Variants in MPPED2 observed in about 807,000 individuals in gnomAD.
The protein encoded by MPPED2 is metallophosphoesterase MPPED2.
A neutral mutation model predicts 33.0 loss-of-function variants in MPPED2; 5 were observed. The observed-to-expected ratio is 0.15, with a 90% CI of 0.08 to 0.32. The LOEUF is 0.32. Ranked by LOEUF, MPPED2 falls within the 10% of genes least tolerant of loss-of-function variation. The pLI is 1.00. For synonymous variants in MPPED2, 136 were observed against 141.9 expected, an observed-to-expected ratio of 0.96 and a Z score of 0.29; for missense variants, 275 against 372.1, an observed-to-expected ratio of 0.74 and a Z score of 2.15.
intron 4 of MPPED2, among the ~76,000 whole-genome samples, chr11:30,480,599 A>C (rs914911626): frequency 6.6e-6 from 1 of 152,132 alleles, no homozygotes; most frequent in Non-Finnish European, 1.5e-5. Context: ...GACAAATTTA[A>C]TTTGGAGTTT....
chr11:30,488,206 T>C (rs780329070), intron 4 of MPPED2, among the ~76,000 whole-genome samples: 3 of 152,230 alleles, frequency 2.0e-5, no homozygotes, highest in African/African-American at 7.2e-5. Context: ...TTAATTATTA[T>C]TAGTAATACA....
chr11:30,538,102 G>A (rs1432465199), intron 2 of MPPED2, among the ~76,000 whole-genome samples: 6 of 152,084 alleles, frequency 3.9e-5, no homozygotes, highest in Admixed American at 2.6e-4. Flanking sequence ...GAATAGGACT[G>A]TTTGCATTTA....
downstream of MPPED2, among the ~76,000 whole-genome samples, chr11:30,405,969 G>A (rs1947982887): frequency 6.6e-6 from 1 of 152,090 alleles, no homozygotes; most frequent in African/African-American, 2.4e-5. Flanking sequence ...AAAGTTGGGG[G>A]CTCTTACCAA....
At chr11:30,507,881 A>G (rs1275783339) in intron 3 of MPPED2, among the ~76,000 whole-genome samples, 1 of 152,202 alleles carries the variant, frequency 6.6e-6, no homozygotes, top group Non-Finnish European at 1.5e-5. Flanking sequence ...ATAATTCCTC[A>G]GGAAGAAAGG....
At chr11:30,475,684 T>C (rs1356545672) in intron 4 of MPPED2, among the ~76,000 whole-genome samples, 1 of 152,188 alleles carries the variant, frequency 6.6e-6, no homozygotes, top group Non-Finnish European at 1.5e-5. Context: ...TTTCCTGGTG[T>C]TGGTTATTGT....
chr11:30,583,782 A>C (rs1377969660), intron 1 of MPPED2, among the ~76,000 whole-genome samples: 3 of 152,214 alleles, frequency 2.0e-5, no homozygotes, highest in Non-Finnish European at 4.4e-5. Context: ...ACTGCCCAGC[A>C]CAGCCTATGA....
chr11:30,542,479 A>T (rs1022695343), intron 2 of MPPED2, among the ~76,000 whole-genome samples: 1 of 141,676 alleles, frequency 7.1e-6, no homozygotes, highest in Admixed American at 7.0e-5. Flanking sequence ...AAAAAAAAAA[A>T]AAAAGCCAGG....
chr11:30,394,197 AG>A (rs1947813015), intron 6 of MPPED2, among the ~76,000 whole-genome samples: 1 of 152,064 alleles, frequency 6.6e-6, no homozygotes, highest in Non-Finnish European at 1.5e-5. Flanking sequence ...GGATTGTTTC[AG>A]TTTTTGGTGA....
intron 6 of MPPED2, among the ~76,000 whole-genome samples, chr11:30,402,493 C>T (rs565453101): frequency 2.6e-5 from 4 of 152,280 alleles, no homozygotes; most frequent in African/African-American, 9.6e-5. Context: ...GCAGACCTCA[C>T]ATTAATAAAA....
At chr11:30,556,189 A>G (rs1955955573) in intron 2 of MPPED2, among the ~76,000 whole-genome samples, 2 of 152,200 alleles carry the variant, frequency 1.3e-5, no homozygotes, top group South Asian at 4.1e-4. Context: ...CTAAAAGCTT[A>G]GAATGCTTGA....
intron 3 of MPPED2, among the ~76,000 whole-genome samples, chr11:30,514,957 T>C (rs1397964762): frequency 2.0e-5 from 3 of 152,122 alleles, no homozygotes; most frequent in African/African-American, 7.2e-5. Flanking sequence ...TAGCTAGGCA[T>C]GGTGGCACAC....
At chr11:30,572,741 T>G (rs1369126686) in intron 2 of MPPED2, among the ~76,000 whole-genome samples, 2 of 152,198 alleles carry the variant, frequency 1.3e-5, no homozygotes, top group Non-Finnish European at 2.9e-5. Context: ...TCCACTGATA[T>G]GACTTTTCCT....
At chr11:30,542,205 T>C (rs1438637474) in intron 2 of MPPED2, among the ~76,000 whole-genome samples, 2 of 152,198 alleles carry the variant, frequency 1.3e-5, no homozygotes, top group African/African-American at 4.8e-5. Context: ...TAATTTTTGT[T>C]AGATGCTTAA....
intron 3 of MPPED2, among the ~76,000 whole-genome samples, chr11:30,503,713 C>T (rs1952675099): frequency 6.6e-6 from 1 of 152,086 alleles, no homozygotes; most frequent in Non-Finnish European, 1.5e-5. Context: ...ACTGCCAATC[C>T]CTATGCCCTC....
At chr11:30,512,045 T>C (rs1402593396) in intron 3 of MPPED2, among the ~76,000 whole-genome samples, 2 of 152,182 alleles carry the variant, frequency 1.3e-5, no homozygotes, top group Non-Finnish European at 2.9e-5. Flanking sequence ...CTCATTATTA[T>C]AGGGAATTGG....
chr11:30,531,143 G>A (rs1954500077), intron 3 of MPPED2, among the ~76,000 whole-genome samples: 1 of 152,218 alleles, frequency 6.6e-6, no homozygotes, highest in Admixed American at 6.5e-5. Context: ...TAGCTAAAAT[G>A]TTAATGAGAC....
At chr11:30,404,011 A>G (rs1173606681) in intron 6 of MPPED2, among the ~76,000 whole-genome samples, 1 of 152,206 alleles carries the variant, frequency 6.6e-6, no homozygotes, top group Non-Finnish European at 1.5e-5. Flanking sequence ...TCATAGCCAA[A>G]GGCCAAAGCC....
intron 4 of MPPED2, among the ~76,000 whole-genome samples, chr11:30,460,338 G>C (rs1950470517): frequency 1.3e-5 from 2 of 152,306 alleles, no homozygotes; most frequent in South Asian, 4.1e-4. Context: ...ACAAGAATCA[G>C]GCTGGGCGTG....
At chr11:30,478,860 T>C (rs1018000080) in intron 4 of MPPED2, among the ~76,000 whole-genome samples, 1 of 152,130 alleles carries the variant, frequency 6.6e-6, no homozygotes, top group African/African-American at 2.4e-5. Flanking sequence ...AAACCATGCC[T>C]GTGTGTAGTG....
Sources: allele counts gnomAD v4.1 joint callset (sites outside exome capture counted in the v4.1 genomes callset), GRCh38; gene constraint gnomAD v4.1.1; transcripts MANE v1.5; gene names NCBI Gene and HGNC (gene_info 2026-07-23, HGNC 2026-07-21).